The following PPP2R2B variants were observed in gnomAD, a reference collection of about 807,000 sequenced individuals.
PPP2R2B encodes protein phosphatase 2 regulatory subunit Bbeta, also known as serine/threonine-protein phosphatase 2A 55 kDa regulatory subunit B beta isoform.
PPP2R2B carries 5 observed loss-of-function variants against 46.0 expected under a neutral mutation model. The observed-to-expected ratio is 0.11, with a 90% CI of 0.06 to 0.23. The LOEUF is 0.23. PPP2R2B is among the 10% of genes least tolerant of loss of function. The pLI is 1.00. For missense variants in PPP2R2B, 367 were observed against 575.0 expected (o/e 0.64, Z 3.70); for synonymous variants, 215 against 206.7 (o/e 1.04, Z -0.34).
intron 2 of PPP2R2B, among the ~76,000 whole-genome samples, chr5:146,723,546 G>C (rs918419993): frequency 6.6e-6 from 1 of 152,236 alleles, no homozygotes; most frequent in East Asian, 1.9e-4. Context: ...GAATACAAAA[G>C]AATAATGCTC....
intron 2 of PPP2R2B, among the ~76,000 whole-genome samples, chr5:146,752,712 G>A (rs769266652): frequency 6.6e-6 from 1 of 152,166 alleles, no homozygotes; most frequent in Non-Finnish European, 1.5e-5. Flanking sequence ...GGATTAAATA[G>A]TATTGATTAT....
At chr5:146,814,930 C>T (rs1458751101) in intron 2 of PPP2R2B, among the ~76,000 whole-genome samples, 8 of 152,206 alleles carry the variant, frequency 5.3e-5, no homozygotes, top group Admixed American at 5.2e-4. Context: ...CTGTCTTATG[C>T]CCCTCAGTTG....
chr5:146,660,850 T>C (rs997527747), intron 5 of PPP2R2B, among the ~76,000 whole-genome samples: 10 of 152,210 alleles, frequency 6.6e-5, no homozygotes, highest in African/African-American at 2.4e-4. Context: ...TATTAGGTAG[T>C]ATGTGTACAC....
chr5:146,980,981 A>G (rs1277749864), intron 1 of PPP2R2B, among the ~76,000 whole-genome samples: 2 of 152,212 alleles, frequency 1.3e-5, no homozygotes, highest in Non-Finnish European at 2.9e-5. Context: ...TGAATCCTAA[A>G]AAGACTAAAT....
At chr5:147,056,678 AG>A (rs1757096253), upstream of PPP2R2B, among the ~76,000 whole-genome samples, 1 of 152,186 alleles carries the variant, frequency 6.6e-6, no homozygotes. Flanking sequence ...AGAGAGAGAG[AG>A]AAAAAGAGAG....
chr5:146,799,316 G>C (rs1248828001), intron 2 of PPP2R2B, among the ~76,000 whole-genome samples: 4 of 152,168 alleles, frequency 2.6e-5, no homozygotes, highest in African/African-American at 9.7e-5. Context: ...AAAGATTTGG[G>C]CTGCTGCTGG....
At chr5:146,634,337 G>A (rs1369933771) in intron 7 of PPP2R2B, among the ~76,000 whole-genome samples, 1 of 151,962 alleles carries the variant, frequency 6.6e-6, no homozygotes, top group Non-Finnish European at 1.5e-5. Context: ...TGAGGGTTTT[G>A]TTTATTTATT....
At chr5:146,795,049 A>C (rs1756438138) in intron 2 of PPP2R2B, among the ~76,000 whole-genome samples, 1 of 152,170 alleles carries the variant, frequency 6.6e-6, no homozygotes, top group Admixed American at 6.6e-5. Flanking sequence ...ATAGTAATTT[A>C]GTGTAGTGAT....
intron 5 of PPP2R2B, among the ~76,000 whole-genome samples, chr5:146,687,600 T>C (rs551161534): frequency 2.0e-4 from 30 of 152,316 alleles, no homozygotes; most frequent in Admixed American, 1.7e-3. Flanking sequence ...ATAGAAATGG[T>C]ACAACTGTAA....
At chr5:146,853,660 C>A (rs1299840318) in intron 2 of PPP2R2B, among the ~76,000 whole-genome samples, 1 of 152,004 alleles carries the variant, frequency 6.6e-6, no homozygotes, top group African/African-American at 2.4e-5. Flanking sequence ...TAAATATTAA[C>A]TGCTATCATT....
chr5:146,961,385 T>A (rs1752165648), intron 1 of PPP2R2B, among the ~76,000 whole-genome samples: 1 of 152,170 alleles, frequency 6.6e-6, no homozygotes. Flanking sequence ...TGCTGATGAA[T>A]TGTCTAGAAA....
At chr5:146,722,892 C>G (rs530885853) in intron 2 of PPP2R2B, among the ~76,000 whole-genome samples, 1 of 152,282 alleles carries the variant, frequency 6.6e-6, no homozygotes, top group South Asian at 2.1e-4. Flanking sequence ...TTTGACTTCT[C>G]TCTTGTCTAC....
chr5:146,834,996 T>C (rs1759193425), intron 2 of PPP2R2B, among the ~76,000 whole-genome samples: 1 of 152,220 alleles, frequency 6.6e-6, no homozygotes, highest in South Asian at 2.1e-4. Context: ...AGAGTATAAA[T>C]GTACCACATT....
At chr5:146,877,883 C>T in intron 2 of PPP2R2B, 119 bp downstream of exon 2, 2 of 1,224,502 alleles carry the variant, frequency 1.6e-6, no homozygotes, top group Non-Finnish European at 2.2e-6. Context: ...GCCGAGCCCC[C>T]GCCCCAGCCC....
intron 2 of PPP2R2B, among the ~76,000 whole-genome samples, chr5:146,806,895 G>C (rs1757212180): frequency 6.6e-6 from 1 of 152,214 alleles, no homozygotes. Flanking sequence ...GGCAATAGGG[G>C]ACCTTAGTTT....
At chr5:146,645,034 G>A (rs917552545) in intron 6 of PPP2R2B, among the ~76,000 whole-genome samples, 2 of 152,150 alleles carry the variant, frequency 1.3e-5, no homozygotes, top group Non-Finnish European at 2.9e-5. Flanking sequence ...GCTGAAGAGT[G>A]GAATCTATGT....
Position 146,728,138 on chromosome 5 carries a change from C to CTTTTTTTT in PPP2R2B, c.71-27004_71-26997dup, listed in dbSNP as rs757396751. On this transcript the variant is annotated intron_variant, in intron 2 of 9. Coordinates refer to ENST00000394411, the MANE Select transcript of PPP2R2B (RefSeq NM_181675.4). ...AATATGATGGCTAGGGAAACACTTACTTTTTTTTTTTTTTTTTTTTTTTTC... is the reference window on the plus strand; with the variant it reads ...AATATGATGGCTAGGGAAACACTTACTTTTTTTTTTTTTTTTTTTTTTTTTTTTTTTTC... 1.1e-4 allele frequency among the ~76,000 whole-genome samples: 9 copies of CTTTTTTTT among 82,500 alleles called. No individual in the cohort carries two copies. In the East Asian group the frequency reaches 1.1e-3, roughly 10 times the overall value. The allele number at this position is 82,500 out of a possible 152,430, so 54.1% of individuals were successfully genotyped here. A position where few individuals can be genotyped will look rare whatever the true frequency, so the allele number is the denominator to read the frequency against.
intron 1 of PPP2R2B, among the ~76,000 whole-genome samples, chr5:147,023,059 T>A (rs1016511393): frequency 3.9e-5 from 6 of 152,150 alleles, no homozygotes; most frequent in Non-Finnish European, 7.4e-5. Context: ...TTAATTTTTT[T>A]AAAAAAGAAT....
At chr5:146,787,968 T>C (rs1315780655) in intron 2 of PPP2R2B, among the ~76,000 whole-genome samples, 1 of 152,312 alleles carries the variant, frequency 6.6e-6, no homozygotes, top group East Asian at 1.9e-4. Flanking sequence ...TCTGTCTCTC[T>C]ACTATAGTTA....
Sources: allele counts gnomAD v4.1 joint callset (sites outside exome capture counted in the v4.1 genomes callset), GRCh38; gene constraint gnomAD v4.1.1; transcripts MANE v1.5; gene names NCBI Gene and HGNC (gene_info 2026-07-23, HGNC 2026-07-21).